LUZP2: variants seen among roughly 807,000 people sequenced by gnomAD.
LUZP2 encodes leucine zipper protein 2.
In LUZP2, 52 loss-of-function variants were observed where a neutral mutation model predicts 51.6. The ratio of observed to expected loss-of-function variants is 1.01; its 90% CI spans 0.81 to 1.27. The LOEUF (loss-of-function observed/expected upper bound fraction) is 1.27. Among genes scored for constraint, LUZP2 ranks in the 50% most tolerant of loss-of-function variants. LUZP2 has a pLI of 0.00. For synonymous variants in LUZP2, 154 were observed against 137.3 expected, an observed-to-expected ratio of 1.12 and a Z score of -0.85; for missense variants, 436 against 395.4, an observed-to-expected ratio of 1.10 and a Z score of -0.87.
At chr11:24,564,323 G>A (rs1852148037) in intron 1 of LUZP2, among the ~76,000 whole-genome samples, 1 of 152,020 alleles carries the variant, frequency 6.6e-6, no homozygotes, top group African/African-American at 2.4e-5. Context: ...TCTGGTTTTA[G>A]GATGTTAGCT....
At chr11:24,972,754 C>G (rs985068085) in intron 7 of LUZP2, among the ~76,000 whole-genome samples, 1 of 152,024 alleles carries the variant, frequency 6.6e-6, no homozygotes, top group African/African-American at 2.4e-5. Context: ...GTTGAACCAG[C>G]CTTGGATCCT....
At chr11:24,550,850 A>C (rs1048096244) in intron 1 of LUZP2, among the ~76,000 whole-genome samples, 3 of 151,966 alleles carry the variant, frequency 2.0e-5, no homozygotes, top group African/African-American at 7.2e-5. Flanking sequence ...GAGGTGGGAG[A>C]ATCACTTGAG....
At chr11:24,696,208 G>T (rs1857242388) in intron 1 of LUZP2, among the ~76,000 whole-genome samples, 1 of 151,860 alleles carries the variant, frequency 6.6e-6, no homozygotes, top group Non-Finnish European at 1.5e-5. Flanking sequence ...GACTATTTGG[G>T]GAAGGACAAG....
chr11:24,559,701 T>C (rs974416188), intron 1 of LUZP2, among the ~76,000 whole-genome samples: 1 of 152,148 alleles, frequency 6.6e-6, no homozygotes, highest in African/African-American at 2.4e-5. Context: ...ATATGGAAAG[T>C]CAAAATTTTC....
chr11:24,642,036 C>T (rs529780619), intron 1 of LUZP2, among the ~76,000 whole-genome samples: 1 of 151,810 alleles, frequency 6.6e-6, no homozygotes, highest in South Asian at 2.1e-4. Context: ...ACTACAGGTG[C>T]ATGCCTTCAC....
At chr11:24,719,757 G>A (rs1467658468) in intron 1 of LUZP2, among the ~76,000 whole-genome samples, 1 of 152,152 alleles carries the variant, frequency 6.6e-6, no homozygotes, top group East Asian at 1.9e-4. Flanking sequence ...TGATTGACAG[G>A]ATGTTATTCT....
At chr11:25,055,318 C>A (rs1219965585) in intron 10 of LUZP2, among the ~76,000 whole-genome samples, 2 of 151,976 alleles carry the variant, frequency 1.3e-5, no homozygotes, top group Non-Finnish European at 2.9e-5. Context: ...CTACTTTAAT[C>A]TTTTAAAATT....
chr11:24,857,945 T>C (rs150971591), intron 5 of LUZP2, among the ~76,000 whole-genome samples: 35 of 152,250 alleles, frequency 2.3e-4, no homozygotes, highest in Non-Finnish European at 4.3e-4. Flanking sequence ...CACATGGAAT[T>C]CAAGTGATTT....
At chr11:24,582,299 A>ATTTTGTTTTTTTTTTTTTTTTTTTTTTT (rs1852888752) in intron 1 of LUZP2, among the ~76,000 whole-genome samples, 1 of 54,518 alleles carries the variant, frequency 1.8e-5, no homozygotes, top group African/African-American at 7.0e-5. Context: ...TCCCTAGCTG[A>ATTTTGTTTTTTTTTTTTTTTTTTTTTTT]TTTTTTTTTT....
intron 4 of LUZP2, among the ~76,000 whole-genome samples, chr11:24,741,936 T>G (rs369193685): frequency 0.023 from 688 of 29,778 alleles, 3 homozygotes; most frequent in East Asian, 0.071. Context: ...ATATTATATA[T>G]AAATATATAC....
intron 1 of LUZP2, among the ~76,000 whole-genome samples, chr11:24,679,237 A>G (rs1477939700): frequency 2.0e-5 from 3 of 152,214 alleles, no homozygotes; most frequent in African/African-American, 4.8e-5. Flanking sequence ...TTACTCAAAT[A>G]TTAGAGCATA....
At chr11:25,061,228 G>T (rs952703530) in intron 10 of LUZP2, among the ~76,000 whole-genome samples, 2 of 152,178 alleles carry the variant, frequency 1.3e-5, no homozygotes, top group African/African-American at 2.4e-5. Flanking sequence ...CGCTGTGATT[G>T]TGTGTTCTTT....
chr11:24,799,528 T>C (rs538876099), intron 5 of LUZP2, among the ~76,000 whole-genome samples: 2 of 151,382 alleles, frequency 1.3e-5, no homozygotes, highest in African/African-American at 4.9e-5. Context: ...GAGGTGGAGG[T>C]TGTAGTGAGC....
Position 24,497,180 on chromosome 11 carries a change from C to A in LUZP2, c.-64C>A, listed in dbSNP as rs1849849674. 4 of 1,433,242 alleles carry A rather than the reference C, an allele frequency of 2.8e-6. No homozygotes were observed. Among genetic ancestry groups the A allele is most frequent in the Non-Finnish European group, 2.8e-6 (3 of 1,063,176 alleles). The allele number at this position is 1,433,242 out of a possible 1,614,324, so 88.8% of individuals were successfully genotyped here. Reference sequence around the variant, plus strand: ...GGGGACAGAGCCGGGCACCAAGGAGCGACAGGATCCCGAAGAGAGAGAGAG... The same window carrying A: ...GGGGACAGAGCCGGGCACCAAGGAGAGACAGGATCCCGAAGAGAGAGAGAG... On this transcript the variant is annotated 5_prime_UTR_variant, in exon 1 of 12. Coordinates refer to ENST00000336930, the MANE Select transcript of LUZP2 (RefSeq NM_001009909.4).
intron 5 of LUZP2, among the ~76,000 whole-genome samples, chr11:24,852,533 G>T (rs910267728): frequency 6.6e-6 from 1 of 152,090 alleles, no homozygotes; most frequent in East Asian, 1.9e-4. Flanking sequence ...CAATTATGTG[G>T]TCAGTTTTAG....
At chr11:24,828,023 T>C (rs1850593403) in intron 5 of LUZP2, among the ~76,000 whole-genome samples, 1 of 100,184 alleles carries the variant, frequency 1.0e-5, no homozygotes, top group African/African-American at 3.4e-5. Context: ...CCACAAACTT[T>C]AGGAGAAACA....
intron 6 of LUZP2, among the ~76,000 whole-genome samples, chr11:24,910,798 A>G (rs964874659): frequency 1.3e-5 from 2 of 152,176 alleles, no homozygotes; most frequent in African/African-American, 4.8e-5. Flanking sequence ...ATCACTGCCT[A>G]GTGGAGCTGT....
chr11:25,000,768 C>G (rs1017558141), intron 9 of LUZP2, among the ~76,000 whole-genome samples: 1 of 152,178 alleles, frequency 6.6e-6, no homozygotes, highest in Non-Finnish European at 1.5e-5. Flanking sequence ...TAAGAAGGTG[C>G]AAAGTCCTCC....
At chr11:24,584,264 T>C (rs1248768280) in intron 1 of LUZP2, among the ~76,000 whole-genome samples, 1 of 152,140 alleles carries the variant, frequency 6.6e-6, no homozygotes, top group African/African-American at 2.4e-5. Flanking sequence ...ACCTCATGTC[T>C]TCTGTGGTCT....
Sources: allele counts gnomAD v4.1 joint callset (sites outside exome capture counted in the v4.1 genomes callset), GRCh38; gene constraint gnomAD v4.1.1; transcripts MANE v1.5; gene names NCBI Gene and HGNC (gene_info 2026-07-23, HGNC 2026-07-21).